The following BCLAF3 variants were observed in gnomAD, a reference collection of about 807,000 sequenced individuals.
BCLAF3 encodes the protein BCLAF1 and THRAP3 family member 3, also known as transient octamer binding factor 1.
Under a neutral mutation model 51.2 loss-of-function variants are expected in BCLAF3, and 24 were observed. The observed-to-expected ratio is 0.47, with a 90% CI of 0.34 to 0.66. BCLAF3 has a LOEUF of 0.66. BCLAF3 is among the 30% of genes least tolerant of loss of function. The pLI is 0.01. For synonymous variants in BCLAF3, 152 were observed against 176.6 expected (o/e 0.86, Z 1.10); for missense variants, 465 against 525.1 (o/e 0.89, Z 1.12).
chrX:19,936,031 T>C (rs2070744016), intron 9 of BCLAF3, 133 bp from the exon 10 acceptor site: 3 of 501,371 alleles, frequency 6.0e-6, no homozygotes, highest in African/African-American at 2.4e-5. Context: ...AGCTTAGCTG[T>C]AGAGCACATA....
intron 9 of BCLAF3, among the ~76,000 whole-genome samples, chrX:19,936,235 C>A (rs996076709): frequency 9.0e-6 from 1 of 111,615 alleles, no homozygotes; most frequent in Non-Finnish European, 1.9e-5. Context: ...AGAAATAAAC[C>A]CATTACTATC....
intron 10 of BCLAF3, chrX:19,930,148 T>C: frequency 1.4e-5 from 4 of 277,533 alleles, no homozygotes; most frequent in Admixed American, 6.2e-5. Flanking sequence ...CCGTCTCTAC[T>C]AAAAATACAA....
In BCLAF3 at chrX:19,917,039, A is replaced by G; in HGVS notation, c.*266T>C. On this transcript the variant is annotated 3_prime_UTR_variant, in exon 12 of 12. Transcript: ENST00000379682. ...TGAAACCATGCTCAGAGAAAAATGC[A>G]TCAACAAATAATGCCCTTCAAGTGA... 5.9e-6 allele frequency: 2 copies of G among 340,572 alleles called. No individual in the cohort carries two copies. The highest frequency in any genetic ancestry group is 5.5e-5 in the East Asian group (1 of 18,211). 28.1% of individuals were successfully genotyped at this position (340,572 alleles called of 1,213,427 possible). A position where few individuals can be genotyped will look rare whatever the true frequency, so the allele number is the denominator to read the frequency against.
At chrX:19,977,652 C>T (rs191836116) in intron 1 of BCLAF3, among the ~76,000 whole-genome samples, 40 of 112,650 alleles carry the variant, frequency 3.6e-4, no homozygotes, top group South Asian at 2.2e-3. Flanking sequence ...CAAGTGCTGA[C>T]GGAGAAGCTG....
intron 11 of BCLAF3, among the ~76,000 whole-genome samples, chrX:19,927,851 G>A (rs1340307402): frequency 9.4e-6 from 1 of 106,313 alleles, no homozygotes; most frequent in African/African-American, 3.4e-5. Flanking sequence ...TAATTTTATG[G>A]CATATTTATG....
chrX:19,978,676 G>A (rs2148023662), intron 1 of BCLAF3, among the ~76,000 whole-genome samples: 1 of 112,056 alleles, frequency 8.9e-6, no homozygotes, highest in Admixed American at 9.4e-5. Context: ...GGGTTTGACA[G>A]GTTTACTTTA....
intron 1 of BCLAF3, among the ~76,000 whole-genome samples, chrX:19,983,919 A>G (rs1266300283): frequency 9.3e-6 from 1 of 106,976 alleles, no homozygotes; most frequent in Middle Eastern, 4.3e-3. Flanking sequence ...AAATATAAAA[A>G]AATGTAGCTG....
intron 11 of BCLAF3, among the ~76,000 whole-genome samples, chrX:19,918,847 C>T: frequency 9.1e-6 from 1 of 110,052 alleles, no homozygotes; most frequent in Non-Finnish European, 1.9e-5. Flanking sequence ...GCCATAAAAG[C>T]CCATTTTAAG....
At chrX:19,987,548 G>A (rs771386641) in intron 1 of BCLAF3, among the ~76,000 whole-genome samples, 26 of 112,050 alleles carry the variant, frequency 2.3e-4, no homozygotes, top group African/African-American at 5.8e-4. Flanking sequence ...CAGGTGATCC[G>A]TCCACCTTGG....
In BCLAF3 at chrX:19,921,650, C is replaced by T. The variant is rs750981596; in HGVS notation, c.2107-4316G>A. Among the ~76,000 whole-genome samples, 6 of 110,823 alleles carry T rather than the reference C, an allele frequency of 5.4e-5. No individual in the cohort carries two copies. In the East Asian group the frequency reaches 1.7e-3, roughly 31 times the overall value. On this transcript the variant is annotated intron_variant, in intron 11 of 11. Coordinates refer to ENST00000379682, the MANE Select transcript of BCLAF3 (RefSeq NM_001367774.2). Reference sequence around the variant, plus strand: ...CTCGGGAGGCGGAGGCTGCAGTGAGCTGAGGTCATGCCACTGCACTCCAGC... The same window carrying T: ...CTCGGGAGGCGGAGGCTGCAGTGAGTTGAGGTCATGCCACTGCACTCCAGC...
At chrX:19,990,194 A>G (rs1388989721) in intron 1 of BCLAF3, among the ~76,000 whole-genome samples, 7 of 109,263 alleles carry the variant, frequency 6.4e-5, no homozygotes, top group African/African-American at 2.3e-4. Flanking sequence ...TTCGAAAAGC[A>G]CCTGAGTAGG....
chrX:19,941,988 A>G (rs1287821827), intron 8 of BCLAF3, among the ~76,000 whole-genome samples: 2 of 62,700 alleles, frequency 3.2e-5, no homozygotes, highest in East Asian at 4.6e-4. Context: ...GGTCCTTCAC[A>G]TCCCTTGTAA....
intron 8 of BCLAF3, among the ~76,000 whole-genome samples, chrX:19,940,193 G>A (rs1369904779): frequency 8.9e-6 from 1 of 111,906 alleles, no homozygotes; most frequent in Non-Finnish European, 1.9e-5. Context: ...CTGCCCTGCA[G>A]CTAGGCATGG....
chrX:19,937,297 T>C (rs758476429), intron 9 of BCLAF3, 121 bp downstream of exon 9: 8 of 493,290 alleles, frequency 1.6e-5, no homozygotes, highest in African/African-American at 1.4e-4. Context: ...ATCAACGGAA[T>C]CTTATAACAT....
intron 5 of BCLAF3, among the ~76,000 whole-genome samples, chrX:19,954,842 G>A (rs1177051139): frequency 9.0e-6 from 1 of 111,700 alleles, no homozygotes; most frequent in African/African-American, 3.3e-5. Flanking sequence ...CCAATTAATG[G>A]AAACTCGCCA....
intron 1 of BCLAF3, among the ~76,000 whole-genome samples, chrX:19,974,066 T>C (rs978768495): frequency 2.1e-4 from 23 of 111,611 alleles, no homozygotes; most frequent in African/African-American, 6.2e-4. Context: ...ACTCAGGGGA[T>C]TGGTTCCAGA....
chrX:19,964,124 A>G (rs1245782531), intron 4 of BCLAF3, among the ~76,000 whole-genome samples: 3 of 112,007 alleles, frequency 2.7e-5, no homozygotes, highest in African/African-American at 9.7e-5. Flanking sequence ...GTTTTCTCTC[A>G]TTTTTGGTTC....
At chrX:19,949,306 T>C (rs752080190) in intron 8 of BCLAF3, among the ~76,000 whole-genome samples, 28 of 112,105 alleles carry the variant, frequency 2.5e-4, no homozygotes, top group Non-Finnish European at 4.7e-4. Context: ...AAAATAATTT[T>C]CCCAAAGTCA....
chrX:19,967,434 G>C (rs896506272), intron 2 of BCLAF3, among the ~76,000 whole-genome samples: 31 of 111,720 alleles, frequency 2.8e-4, no homozygotes, highest in African/African-American at 9.1e-4. Context: ...CTTTAAAGCA[G>C]CTACAATGCT....
Sources: allele counts gnomAD v4.1 joint callset (sites outside exome capture counted in the v4.1 genomes callset), GRCh38; gene constraint gnomAD v4.1.1; transcripts MANE v1.5; gene names NCBI Gene and HGNC (gene_info 2026-07-23, HGNC 2026-07-21).